The following EFR3B variants were observed in gnomAD, a reference collection of about 807,000 sequenced individuals.
EFR3B encodes the protein EFR3 homolog B.
EFR3B carries 64 observed loss-of-function variants against 104.7 expected under a neutral mutation model. The observed-to-expected ratio is 0.61, with a 90% CI of 0.50 to 0.75. The LOEUF (loss-of-function observed/expected upper bound fraction) is 0.75, where lower values mean the gene tolerates loss of function less well. Among genes scored for constraint, EFR3B ranks in the 30% least tolerant of loss-of-function variants. The pLI is 0.00. For missense variants in EFR3B, 750 were observed against 1,078.5 expected, an observed-to-expected ratio of 0.70 and a Z score of 4.27; for synonymous variants, 385 against 417.9, an observed-to-expected ratio of 0.92 and a Z score of 0.96.
chr2:25,149,726 A>G lies in EFR3B; in HGVS notation c.2175A>G (p.Thr725=), dbSNP rs1670949561. 1 of 1,551,600 alleles carries G rather than the reference A, an allele frequency of 6.4e-7. No homozygotes were observed. Among genetic ancestry groups the G allele is most frequent in the Non-Finnish European group, 8.7e-7 (1 of 1,146,894 alleles). The stretch of plus-strand genomic sequence containing the variant: ...CTGCCGAGGAGATCACCTATGAGAC[A>G]CTGAAGAAAGCCATTGGTAAGTCAG... The part of the protein sequence containing the change: ...RVPAEEITYE[T]LKKAIVDSVA... Residue 725 remains threonine (T), a synonymous_variant, in exon 20 of 23, where the codon ACA becomes ACG. Transcript: ENST00000403714.
intron 1 of EFR3B, among the ~76,000 whole-genome samples, chr2:25,090,274 C>G (rs998247554): frequency 2.0e-5 from 3 of 152,244 alleles, no homozygotes; most frequent in Non-Finnish European, 2.9e-5. Flanking sequence ...CCTCCTCTCT[C>G]CTCCTCCATG....
intron 6 of EFR3B, among the ~76,000 whole-genome samples, chr2:25,129,349 C>CGGGGCGTGGGGT (rs1351013230): frequency 5.0e-4 from 8 of 16,040 alleles, no homozygotes; most frequent in South Asian, 3.2e-3. Context: ...GGGGCGGGGG[C>CGGGGCGTGGGGT]GGGGCGTGGG....
chr2:25,141,283 G>C, intron 16 of EFR3B, 83 bp from the exon 17 acceptor site: 2 of 1,430,848 alleles, frequency 1.4e-6, no homozygotes, highest in Admixed American at 4.4e-5. Context: ...GAAGCACCGA[G>C]CCGGGCATGG....
intron 4 of EFR3B, among the ~76,000 whole-genome samples, chr2:25,120,413 AGGCGGGCGGATCACAAGG>A (rs1222023232): frequency 3.3e-5 from 5 of 152,096 alleles, no homozygotes; most frequent in African/African-American, 1.2e-4. Context: ...TGGGAGGCTG[AGGCGGGCGGATCACAAGG>A]TCAAGAGATC....
rs1184172002 is a variant in EFR3B at position 25,042,170 on chromosome 2, C to G, written c.-143C>G. On this transcript the variant is annotated 5_prime_UTR_variant, in exon 1 of 23. Coordinates refer to ENST00000403714, the MANE Select transcript of EFR3B (RefSeq NM_014971.2). The surrounding 1 kb of genome is among the most constrained non-coding windows in gnomAD (Gnocchi z 5.4). The stretch of plus-strand genomic sequence containing the variant: ...CTCCGTCCTGCCCGCGGCCGGCCCC[C>G]GCGTCTGCTCCCTCCCCGCCCGGGC... The G allele has an allele frequency of 1.2e-6, 1 of 826,672 alleles. No homozygotes were observed. Among genetic ancestry groups the G allele is most frequent in the Admixed American group, 4.6e-5 (1 of 21,694 alleles). 51.2% of individuals were successfully genotyped at this position (826,672 alleles called of 1,614,324 possible).
At chr2:25,133,972 G>T (rs535866294) in intron 12 of EFR3B, among the ~76,000 whole-genome samples, 1 of 152,202 alleles carries the variant, frequency 6.6e-6, no homozygotes, top group East Asian at 1.9e-4. Flanking sequence ...ATTCCTCAGA[G>T]GTTTTAAGCT....
chr2:25,052,608 TCTC>T (rs1345588598), intron 1 of EFR3B, among the ~76,000 whole-genome samples: 2 of 151,482 alleles, frequency 1.3e-5, no homozygotes, highest in Admixed American at 6.6e-5. Context: ...TTCATGCAAT[TCTC>T]CTGCCTCAGC....
At chr2:25,076,982 C>A (rs185332091) in intron 1 of EFR3B, among the ~76,000 whole-genome samples, 10 of 152,332 alleles carry the variant, frequency 6.6e-5, no homozygotes, top group Admixed American at 5.9e-4. Flanking sequence ...ATCCTGCCTC[C>A]TTCCCCAAAT....
intron 1 of EFR3B, among the ~76,000 whole-genome samples, chr2:25,083,450 G>A (rs757594049): frequency 3.9e-5 from 6 of 152,138 alleles, no homozygotes; most frequent in East Asian, 1.9e-4. Flanking sequence ...TTAGTGTCTC[G>A]TTACAATGAA....
intron 1 of EFR3B, among the ~76,000 whole-genome samples, chr2:25,054,677 A>C (rs941059334): frequency 2.6e-5 from 4 of 152,210 alleles, no homozygotes; most frequent in African/African-American, 9.6e-5. Flanking sequence ...CAATCCCTGC[A>C]TACAAGGATG....
chr2:25,108,219 G>T (rs914621453), intron 4 of EFR3B, among the ~76,000 whole-genome samples: 2 of 152,150 alleles, frequency 1.3e-5, no homozygotes, highest in East Asian at 1.9e-4. Context: ...AGGAGAAGGT[G>T]GGGGAGTCAG....
intron 4 of EFR3B, among the ~76,000 whole-genome samples, chr2:25,120,516 C>T (rs1669983358): frequency 6.6e-6 from 1 of 151,172 alleles, no homozygotes; most frequent in Non-Finnish European, 1.5e-5. Context: ...TGGTGGCACG[C>T]ATCTGTAGTC....
At chr2:25,078,007 G>A (rs1016997295) in intron 1 of EFR3B, among the ~76,000 whole-genome samples, 1 of 152,118 alleles carries the variant, frequency 6.6e-6, no homozygotes, top group South Asian at 2.1e-4. Context: ...AGCCTTCCTA[G>A]ATTCATTAAA....
rs773723503 is a variant in EFR3B, at chr2:25,130,500, C to T, written c.771-52C>T. 1.1e-4 allele frequency: 162 copies of T among 1,455,670 alleles called. No homozygotes were observed. Among genetic ancestry groups the T allele is most frequent in the Non-Finnish European group, 1.4e-4 (153 of 1,059,598 alleles). 90.2% of individuals were successfully genotyped at this position (1,455,670 alleles called of 1,614,324 possible). On this transcript the variant is annotated intron_variant, in intron 7 of 22. Coordinates refer to ENST00000403714, the MANE Select transcript of EFR3B (RefSeq NM_014971.2). This position sits in a 1 kb window ranked among gnomAD's most constrained non-coding sequence, Gnocchi z 4.6. ...CTGCCTCCAAGCTAATCTCTTCTCC[C>T]TAACACTGCCGGGAGTTTCATAGTT...
chr2:25,090,996 G>T (rs1163536542), intron 1 of EFR3B, among the ~76,000 whole-genome samples: 1 of 152,164 alleles, frequency 6.6e-6, no homozygotes. Flanking sequence ...CGCAGCACCT[G>T]ACCTTTATGT....
In EFR3B at chr2:25,131,544, G is replaced by A. The variant is rs1450065431; in HGVS notation, c.985+41G>A. ...AGGGCCTGAGGGCCGGGGACCCCGC[G>A]GAGGCTGCCGCCTCTTACAGAGAGA... On this transcript the variant is annotated intron_variant, in intron 9 of 22. Coordinates refer to ENST00000403714, the MANE Select transcript of EFR3B (RefSeq NM_014971.2). The surrounding 1 kb of genome is among the most constrained non-coding windows in gnomAD (Gnocchi z 7.6). The A allele has an allele frequency of 9.7e-6, 15 of 1,544,014 alleles. No homozygotes were observed. The Admixed American group carries it at 9.8e-5, about 10-fold the overall frequency.
intron 17 of EFR3B, 92 bp from the exon 18 acceptor site, chr2:25,143,641 CAA>C (rs1294864446): frequency 3.4e-6 from 5 of 1,463,660 alleles, no homozygotes; most frequent in African/African-American, 2.8e-5. Context: ...GCCTGGGCGA[CAA>C]GAGCAAAACC....
intron 1 of EFR3B, among the ~76,000 whole-genome samples, chr2:25,066,754 G>A (rs1668347368): frequency 6.6e-6 from 1 of 152,126 alleles, no homozygotes; most frequent in African/African-American, 2.4e-5. Context: ...TGCACTTGAT[G>A]CATTTTGTGT....
Position 25,042,336 on chromosome 2 carries a change from GC to G in EFR3B, c.7+20del. 7.9e-7 allele frequency: 1 copy of G among 1,259,026 alleles called. No individual in the cohort carries two copies. The highest frequency in any genetic ancestry group is 1.0e-6 in the Non-Finnish European group (1 of 1,000,760). The allele number at this position is 1,259,026 out of a possible 1,614,324, so 78.0% of individuals were successfully genotyped here. ...AGATGTACGGTAAGGAGGGCTCCGCGCCCGGGCCCGGGCCCGCGGGGGCGAC... is the reference window on the plus strand; with the variant it reads ...AGATGTACGGTAAGGAGGGCTCCGCGCCGGGCCCGGGCCCGCGGGGGCGAC... On this transcript the variant is annotated intron_variant, in intron 1 of 22. Coordinates refer to ENST00000403714, the MANE Select transcript of EFR3B (RefSeq NM_014971.2). The surrounding 1 kb of genome is among the most constrained non-coding windows in gnomAD (Gnocchi z 5.4).
Sources: allele counts gnomAD v4.1 joint callset (sites outside exome capture counted in the v4.1 genomes callset), GRCh38; gene constraint gnomAD v4.1.1; non-coding constraint Gnocchi (gnomAD v3.1); transcripts MANE v1.5; gene names NCBI Gene and HGNC (gene_info 2026-07-23, HGNC 2026-07-21).